The following ARHGAP20 variants were observed in gnomAD, a reference collection of about 807,000 sequenced individuals.
ARHGAP20 encodes the protein rho GTPase-activating protein 20.
In ARHGAP20, 34 loss-of-function variants were observed where a neutral mutation model predicts 73.7. The observed-to-expected ratio is 0.46, with a 90% CI of 0.35 to 0.61. The LOEUF (loss-of-function observed/expected upper bound fraction) is 0.61, where lower values mean the gene tolerates loss of function less well. ARHGAP20 is among the 20% of genes least tolerant of loss of function. The probability of loss-of-function intolerance (pLI) is 0.00; values close to 1 mark genes in which losing one functional copy is unlikely to be tolerated. For synonymous variants in ARHGAP20, 523 were observed against 518.2 expected, an observed-to-expected ratio of 1.01 and a Z score of -0.13; for missense variants, 1,314 against 1,420.9, an observed-to-expected ratio of 0.92 and a Z score of 1.21.
intron 11 of ARHGAP20, 126 bp downstream of exon 11, chr11:110,590,522 A>T: frequency 9.4e-7 from 1 of 1,060,296 alleles, no homozygotes; most frequent in Non-Finnish European, 1.3e-6. Context: ...TTTTAGTGTT[A>T]AAAATTATGT....
intron 1 of ARHGAP20, among the ~76,000 whole-genome samples, chr11:110,694,377 C>A (rs966786188): frequency 2.0e-5 from 3 of 151,686 alleles, no homozygotes; most frequent in Non-Finnish European, 4.4e-5. Flanking sequence ...GCCATTACTT[C>A]CAATGGATCT....
intron 2 of ARHGAP20, among the ~76,000 whole-genome samples, chr11:110,675,117 T>C (rs1257021670): frequency 6.6e-6 from 1 of 152,202 alleles, no homozygotes; most frequent in Non-Finnish European, 1.5e-5. Context: ...TATCATTTGC[T>C]TCAGTGATGT....
At chr11:110,626,472 T>A (rs187730405) in intron 3 of ARHGAP20, among the ~76,000 whole-genome samples, 2 of 152,242 alleles carry the variant, frequency 1.3e-5, no homozygotes, top group African/African-American at 4.8e-5. Context: ...GTAAATACTT[T>A]ACACACATTA....
intron 3 of ARHGAP20, 141 bp downstream of exon 3, chr11:110,630,487 T>C (rs946779722): frequency 8.1e-6 from 7 of 863,164 alleles, no homozygotes; most frequent in Non-Finnish European, 1.2e-5. Flanking sequence ...TTTTTTGCAA[T>C]GAAGGGCATA....
intron 6 of ARHGAP20, among the ~76,000 whole-genome samples, chr11:110,612,225 T>C (rs1397655927): frequency 1.3e-5 from 2 of 151,508 alleles, no homozygotes; most frequent in East Asian, 3.9e-4. Flanking sequence ...GAGACCATCC[T>C]GGCTGACATG....
chr11:110,618,596 T>C (rs1445898059), intron 4 of ARHGAP20, among the ~76,000 whole-genome samples: 2 of 150,228 alleles, frequency 1.3e-5, no homozygotes, highest in Non-Finnish European at 3.0e-5. Flanking sequence ...ATAGAGTATA[T>C]GCAGTGATAG....
At chr11:110,649,027 TC>T (rs1949289754) in intron 2 of ARHGAP20, among the ~76,000 whole-genome samples, 1 of 152,074 alleles carries the variant, frequency 6.6e-6, no homozygotes, top group Admixed American at 6.6e-5. Context: ...TGCTGGGGAA[TC>T]TAATTTTGAC....
intron 11 of ARHGAP20, chr11:110,589,750 A>G: frequency 1.0e-6 from 1 of 952,898 alleles, no homozygotes. Context: ...AAAGTGTAAG[A>G]ACCACAAAGA....
In ARHGAP20 at chr11:110,580,595, C is replaced by A; in HGVS notation, c.2351G>T (p.Gly784Val). 1 of 1,614,230 alleles carries A rather than the reference C, an allele frequency of 6.2e-7. No homozygotes were observed. Among genetic ancestry groups the A allele is most frequent in the African/African-American group, 1.3e-5 (1 of 75,056 alleles). Residue 784 changes from glycine to valine, a missense_variant, in exon 15 of 15, where the codon GGT becomes GTT. Physicochemically the swap from Gly to Val is moderately radical, Grantham distance 109. Transcript: ENST00000683387. ...TQNTKKKSLS[G>V]SEGNHVKLFP... is the part of the protein sequence containing the mutation. ...AAGTTTCACGTGATTTCCTTCACTA[C>A]CAGACAAGCTTTTCTTCTTAGTGTT...
At chr11:110,590,327 C>A (rs1361256436) in intron 11 of ARHGAP20, among the ~76,000 whole-genome samples, 2 of 152,070 alleles carry the variant, frequency 1.3e-5, no homozygotes, top group Admixed American at 1.3e-4. Context: ...AGCAGGATGT[C>A]TGTTTTGGTA....
intron 1 of ARHGAP20, chr11:110,711,539 C>T: frequency 7.6e-7 from 1 of 1,313,798 alleles, no homozygotes; most frequent in Non-Finnish European, 9.9e-7. Flanking sequence ...TCATCCAGGA[C>T]CCTGGTGTGG....
chr11:110,648,190 TA>T (rs1292259601), intron 2 of ARHGAP20, among the ~76,000 whole-genome samples: 1 of 89,848 alleles, frequency 1.1e-5, no homozygotes, highest in African/African-American at 4.9e-5. Flanking sequence ...TATATATATG[TA>T]AATATATATA....
chr11:110,610,841 AGCTAATATG>A (rs1948350031), intron 7 of ARHGAP20, among the ~76,000 whole-genome samples: 1 of 152,128 alleles, frequency 6.6e-6, no homozygotes, highest in Non-Finnish European at 1.5e-5. Flanking sequence ...ACTTGTAGCC[AGCTAATATG>A]GTTTTATGAA....
At chr11:110,615,479 C>A in intron 5 of ARHGAP20, 74 bp downstream of exon 5, 1 of 1,372,938 alleles carries the variant, frequency 7.3e-7, no homozygotes, top group Admixed American at 2.0e-5. Flanking sequence ...TAATTTGGGG[C>A]ACATCTCTGC....
chr11:110,701,181 G>C (rs1021351871), intron 1 of ARHGAP20, among the ~76,000 whole-genome samples: 7 of 151,422 alleles, frequency 4.6e-5, no homozygotes, highest in Non-Finnish European at 1.0e-4. Flanking sequence ...TTCCACAATG[G>C]TTGAACTAGT....
chr11:110,664,652 C>A (rs925347826), intron 2 of ARHGAP20, among the ~76,000 whole-genome samples: 1 of 148,804 alleles, frequency 6.7e-6, no homozygotes, highest in Non-Finnish European at 1.5e-5. Context: ...GGCGTGAACC[C>A]GGGAGGCGGA....
At chr11:110,609,122 T>TTA (rs1948306184) in intron 7 of ARHGAP20, 72 bp from the exon 8 acceptor site, 4 of 1,468,142 alleles carry the variant, frequency 2.7e-6, no homozygotes, top group Non-Finnish European at 3.8e-6. Context: ...CACATTTTTT[T>TTA]TTTTTGGTTA....
intron 2 of ARHGAP20, among the ~76,000 whole-genome samples, chr11:110,656,466 C>G (rs887675982): frequency 4.6e-5 from 7 of 152,102 alleles, no homozygotes; most frequent in Non-Finnish European, 1.0e-4. Context: ...GCTTTTCTGC[C>G]TCTCCCATAT....
chr11:110,654,487 A>C (rs45617643), intron 2 of ARHGAP20, among the ~76,000 whole-genome samples: 3,867 of 152,344 alleles, frequency 0.025, 119 homozygotes, highest in African/African-American at 0.072. Flanking sequence ...AGTAATAATG[A>C]AATACTTATA....
Sources: gnomAD v4.1 joint callset for allele counts (sites outside exome capture counted in the v4.1 genomes callset) on GRCh38, gnomAD v4.1.1 for gene constraint, MANE v1.5 for transcripts, NCBI Gene and HGNC (gene_info 2026-07-23, HGNC 2026-07-21) for gene names.